Variants in GALNTL6 observed in about 807,000 individuals in gnomAD.
GALNTL6 encodes the protein polypeptide N-acetylgalactosaminyltransferase-like 6.
In GALNTL6, 46 loss-of-function variants were observed where a neutral mutation model predicts 73.7. The observed-to-expected ratio is 0.62, with a 90% confidence interval of 0.49 to 0.80. The LOEUF is 0.80. Among genes scored for constraint, GALNTL6 ranks in the 30% least tolerant of loss-of-function variants. GALNTL6 has a pLI of 0.00. For missense variants in GALNTL6, 604 were observed against 755.0 expected, an observed-to-expected ratio of 0.80 and a Z score of 2.34; for synonymous variants, 259 against 263.7, an observed-to-expected ratio of 0.98 and a Z score of 0.17.
chr4:171,846,833 T>C (rs1318508109), intron 2 of GALNTL6, among the ~76,000 whole-genome samples: 1 of 147,518 alleles, frequency 6.8e-6, no homozygotes, highest in Non-Finnish European at 1.5e-5. Context: ...TATCTATAGA[T>C]ACATAAATAT....
At chr4:172,261,454 T>A (rs987604866) in intron 3 of GALNTL6, among the ~76,000 whole-genome samples, 1 of 151,510 alleles carries the variant, frequency 6.6e-6, no homozygotes, top group Non-Finnish European at 1.5e-5. Flanking sequence ...TTGTAATAGC[T>A]CCCATTTTGT....
chr4:172,132,806 C>T (rs569915045), intron 2 of GALNTL6, among the ~76,000 whole-genome samples: 3 of 152,268 alleles, frequency 2.0e-5, no homozygotes, highest in African/African-American at 7.2e-5. Flanking sequence ...AAATCTTACT[C>T]TTATGAATCT....
At chr4:172,073,540 A>C (rs987210241) in intron 2 of GALNTL6, among the ~76,000 whole-genome samples, 2 of 152,236 alleles carry the variant, frequency 1.3e-5, no homozygotes, top group African/African-American at 4.8e-5. Context: ...CCCATAAAAC[A>C]TTCATGGGTC....
In GALNTL6 at chr4:172,856,253, A is replaced by G. The variant is rs113062119; in HGVS notation, c.924-26537A>G. Reference sequence around the variant, plus strand: ...GCAATGAGTGACTGGAACAACTCACATCTGAAATTAAAGCCAGCTCAAAAG... The same window carrying G: ...GCAATGAGTGACTGGAACAACTCACGTCTGAAATTAAAGCCAGCTCAAAAG... On this transcript the variant is annotated intron_variant, in intron 7 of 12. Transcript: ENST00000506823. 5.4e-3 allele frequency among the ~76,000 whole-genome samples: 830 copies of G among 152,332 alleles called. 9 individuals are homozygous for G. Among genetic ancestry groups the G allele is most frequent in the African/African-American group, 0.018 (756 of 41,572 alleles).
chr4:172,956,551 G>A lies in GALNTL6; in HGVS notation c.1371+4293G>A, dbSNP rs576380667. ...ATGGCTTGGAGAAGCAGTGAAAACC[G>A]GCAGTTTTTCTGAGAACAGTGAATA... On this transcript the variant is annotated intron_variant, in intron 10 of 12. Coordinates refer to ENST00000506823, the MANE Select transcript of GALNTL6 (RefSeq NM_001034845.3). Among the ~76,000 whole-genome samples the A allele has an allele frequency of 3.3e-5, 5 of 152,244 alleles. No individual in the cohort carries two copies. The South Asian group carries it at 8.3e-4, about 25-fold the overall frequency.
intron 5 of GALNTL6, among the ~76,000 whole-genome samples, chr4:172,606,697 A>AC (rs1738315951): frequency 9.5e-6 from 1 of 104,912 alleles, no homozygotes; most frequent in Non-Finnish European, 2.1e-5. Flanking sequence ...GTATATATAT[A>AC]TAGTGTGTAT....
intron 2 of GALNTL6, among the ~76,000 whole-genome samples, chr4:171,855,783 G>A (rs1735673234): frequency 6.6e-6 from 1 of 152,122 alleles, no homozygotes; most frequent in South Asian, 2.1e-4. Flanking sequence ...GTTTGTCAGT[G>A]TTTTGGGTTT....
intron 2 of GALNTL6, among the ~76,000 whole-genome samples, chr4:171,885,056 C>CAAAAA (rs113416452): frequency 4.4e-4 from 62 of 139,924 alleles, no homozygotes; most frequent in African/African-American, 1.7e-3. Context: ...GACTCTACCT[C>CAAAAA]AAAAAAAAAG....
chr4:172,723,535 T>A (rs145471106), intron 5 of GALNTL6, among the ~76,000 whole-genome samples: 215 of 152,290 alleles, frequency 1.4e-3, no homozygotes, highest in Non-Finnish European at 2.3e-3. Context: ...TAGTTGATCT[T>A]TATCTTTTTT....
At chr4:172,481,624 C>T (rs984976060) in intron 5 of GALNTL6, among the ~76,000 whole-genome samples, 1 of 152,140 alleles carries the variant, frequency 6.6e-6, no homozygotes, top group Non-Finnish European at 1.5e-5. Context: ...ACACAGAGTG[C>T]TGATTGGTAT....
chr4:172,718,197 C>T (rs918640912), intron 5 of GALNTL6, among the ~76,000 whole-genome samples: 10 of 152,220 alleles, frequency 6.6e-5, no homozygotes, highest in Admixed American at 1.3e-4. Flanking sequence ...TCTACTTCAT[C>T]GTTATGATGA....
chr4:172,408,260 C>T (rs1053771507), intron 5 of GALNTL6, among the ~76,000 whole-genome samples: 9 of 151,956 alleles, frequency 5.9e-5, no homozygotes, highest in African/African-American at 2.2e-4. Context: ...CATTTGTCTT[C>T]TCTATGAATT....
At chr4:171,916,070 A>G (rs1228625562) in intron 2 of GALNTL6, among the ~76,000 whole-genome samples, 1 of 152,154 alleles carries the variant, frequency 6.6e-6, no homozygotes, top group Non-Finnish European at 1.5e-5. Flanking sequence ...AAGCACTATC[A>G]TAAGCATTTC....
intron 5 of GALNTL6, among the ~76,000 whole-genome samples, chr4:172,629,508 T>C (rs1739303690): frequency 6.6e-6 from 1 of 152,184 alleles, no homozygotes; most frequent in African/African-American, 2.4e-5. Flanking sequence ...ACCCTCTATG[T>C]GACAAGCAAC....
chr4:172,973,322 C>G (rs1181002253), intron 10 of GALNTL6, among the ~76,000 whole-genome samples: 3 of 152,112 alleles, frequency 2.0e-5, no homozygotes, highest in Admixed American at 1.3e-4. Flanking sequence ...AATCAAGAAC[C>G]ATGCCTGAAA....
chr4:171,859,344 C>T (rs1490926421), intron 2 of GALNTL6, among the ~76,000 whole-genome samples: 2 of 151,876 alleles, frequency 1.3e-5, no homozygotes, highest in Non-Finnish European at 2.9e-5. Context: ...TTTTGAACTC[C>T]CAATGATATA....
rs137966129 is a variant in GALNTL6 at position 172,268,601 on chromosome 4, T to C, written c.247+38837T>C. The stretch of plus-strand genomic sequence containing the variant: ...TCTCTGTAGCTAATACCTTTCGCAG[T>C]TGGGGAAACAAATCTGAACTCTTGT... On this transcript the variant is annotated intron_variant, in intron 3 of 12. Coordinates refer to ENST00000506823, the MANE Select transcript of GALNTL6 (RefSeq NM_001034845.3). Among the ~76,000 whole-genome samples the C allele has an allele frequency of 1.6e-4, 25 of 152,286 alleles. No homozygotes were observed. In the East Asian group the frequency reaches 4.8e-3, roughly 29 times the overall value.
intron 5 of GALNTL6, among the ~76,000 whole-genome samples, chr4:172,569,427 A>C (rs1422152690): frequency 6.6e-6 from 1 of 152,138 alleles, no homozygotes; most frequent in Non-Finnish European, 1.5e-5. Context: ...GGACACAAAC[A>C]TTTGTCTGTA....
At chr4:172,918,312 A>G (rs1357820362) in intron 8 of GALNTL6, among the ~76,000 whole-genome samples, 1 of 152,100 alleles carries the variant, frequency 6.6e-6, no homozygotes, top group Non-Finnish European at 1.5e-5. Flanking sequence ...GGTGCAGCAC[A>G]TGAACACGGC....
Sources: allele counts gnomAD v4.1 joint callset (sites outside exome capture counted in the v4.1 genomes callset), GRCh38; gene constraint gnomAD v4.1.1; transcripts MANE v1.5; gene names NCBI Gene and HGNC (gene_info 2026-07-23, HGNC 2026-07-21).